Variants in TRPC4AP observed in about 807,000 individuals in gnomAD.
TRPC4AP encodes the protein short transient receptor potential channel 4-associated protein.
TRPC4AP carries 45 observed loss-of-function variants against 99.0 expected under a neutral mutation model. The observed-to-expected ratio is 0.45, with a 90% CI of 0.36 to 0.58. The LOEUF (loss-of-function observed/expected upper bound fraction) is 0.58, where lower values mean the gene tolerates loss of function less well. Among genes scored for constraint, TRPC4AP ranks in the 20% least tolerant of loss-of-function variants. The probability of loss-of-function intolerance (pLI) is 0.00; values close to 1 mark genes in which losing one functional copy is unlikely to be tolerated. For missense variants in TRPC4AP, 879 were observed against 985.3 expected (o/e 0.89, Z 1.44); for synonymous variants, 408 against 385.8 (o/e 1.06, Z -0.67).
intron 6 of TRPC4AP, among the ~76,000 whole-genome samples, chr20:35,047,839 T>A (rs968476877): frequency 6.6e-6 from 1 of 152,162 alleles, no homozygotes; most frequent in African/African-American, 2.4e-5. Context: ...CACAAGTGTG[T>A]CCAGGCACAG....
intron 5 of TRPC4AP, among the ~76,000 whole-genome samples, chr20:35,052,262 C>G (rs371702708): frequency 6.6e-6 from 1 of 151,708 alleles, no homozygotes; most frequent in African/African-American, 2.4e-5. Flanking sequence ...CCACGTCCAG[C>G]CAGTTTTTTA....
chr20:35,087,211 C>T lies in TRPC4AP; in HGVS notation c.168+5403G>A, dbSNP rs536791897. On this transcript the variant is annotated intron_variant, in intron 1 of 18. Coordinates refer to ENST00000252015, the MANE Select transcript of TRPC4AP (RefSeq NM_015638.3). ...AAAATTAGCCAGGCGTGGTGGCGGG[C>T]ACCTGTAGTCCCAGCTACTCGGGAG... Among the ~76,000 whole-genome samples, 778 of 147,004 alleles carry T rather than the reference C, an allele frequency of 5.3e-3. 7 individuals are homozygous for T. The highest frequency in any genetic ancestry group is 0.018 in the Middle Eastern group (5 of 274).
chr20:35,016,453 C>T (rs2082755574), intron 9 of TRPC4AP, among the ~76,000 whole-genome samples: 1 of 152,150 alleles, frequency 6.6e-6, no homozygotes, highest in African/African-American at 2.4e-5. Context: ...TGCAAGAGTC[C>T]TGGGTTTGAC....
chr20:35,011,683 C>T (rs2082641338), intron 11 of TRPC4AP, among the ~76,000 whole-genome samples: 1 of 152,240 alleles, frequency 6.6e-6, no homozygotes. Context: ...CAGCCCAGAG[C>T]CAAGCCCACA....
chr20:35,035,142 C>T lies in TRPC4AP; in HGVS notation c.1032G>A (p.Glu344=). The T allele has an allele frequency of 6.2e-7, 1 of 1,613,894 alleles. No individual in the cohort carries two copies. The change falls in exon 8 of 19, where the codon GAG becomes GAA. Residue 344 remains glutamate, a synonymous_variant. Coordinates refer to ENST00000252015, the MANE Select transcript of TRPC4AP (RefSeq NM_015638.3). ...CCATACCTTGATTGTGCTCTGACTC[C>T]TCATTGGCCACTCGCATCAGGGCAT... ...VLDALMRVAN[E]ESEHNQASIV...
At chr20:35,039,047 T>C (rs929203204) in intron 7 of TRPC4AP, among the ~76,000 whole-genome samples, 1 of 152,154 alleles carries the variant, frequency 6.6e-6, no homozygotes, top group Non-Finnish European at 1.5e-5. Context: ...CACTCCAGCC[T>C]GGGCAACATA....
At chr20:35,032,918 T>G (rs1432003801) in intron 8 of TRPC4AP, among the ~76,000 whole-genome samples, 1 of 152,202 alleles carries the variant, frequency 6.6e-6, no homozygotes, top group African/African-American at 2.4e-5. Context: ...ACTGGACATT[T>G]TAGGCTGGGT....
chr20:35,022,041 C>T (rs761500280), intron 8 of TRPC4AP, among the ~76,000 whole-genome samples: 1 of 152,202 alleles, frequency 6.6e-6, no homozygotes, highest in Admixed American at 6.5e-5. Context: ...GGCCAGTCAC[C>T]TCCTCACTAG....
At chr20:35,027,068 C>T (rs1205212193) in intron 8 of TRPC4AP, among the ~76,000 whole-genome samples, 1 of 152,184 alleles carries the variant, frequency 6.6e-6, no homozygotes, top group African/African-American at 2.4e-5. Context: ...GCCAGAACCT[C>T]CAATACGATG....
chr20:35,016,459 T>G (rs2082755866), intron 9 of TRPC4AP, among the ~76,000 whole-genome samples: 1 of 152,186 alleles, frequency 6.6e-6, no homozygotes, highest in Non-Finnish European at 1.5e-5. Flanking sequence ...AGTCCTGGGT[T>G]TGACTCTTAG....
intron 10 of TRPC4AP, 70 bp from the exon 11 acceptor site, chr20:35,013,136 T>C: frequency 6.9e-7 from 1 of 1,455,286 alleles, no homozygotes; most frequent in Non-Finnish European, 9.6e-7. Context: ...AAGCAGACAC[T>C]CTGGTGGGAG....
chr20:35,044,507 T>C lies in TRPC4AP; in HGVS notation c.863A>G (p.Gln288Arg). The change falls in exon 7 of 19, where the codon CAA (glutamine) becomes CGA (arginine). Residue 288 changes from glutamine to arginine, a missense_variant and splice_region_variant. Physicochemically the swap from Gln to Arg is conservative, Grantham distance 43. This residue lies in a region of TRPC4AP where 603 missense variants were observed against 631.8 expected (regional missense o/e 0.95). Transcript: ENST00000252015. ...TTCTGAGAACTTGGAGACTTTACCT[T>C]GATTGATTTCAGCTGCAGAAGGCCC... ...SLGPSAAEIN[Q>R]AALLSIPGFV... 6.2e-7 allele frequency: 1 copy of C among 1,613,798 alleles called. No homozygotes were observed. The highest frequency in any genetic ancestry group is 8.5e-7 in the Non-Finnish European group (1 of 1,179,770).
rs1462179530 is a variant in TRPC4AP, at chr20:35,080,379, T to TA, written c.169-2206dup. Among the ~76,000 whole-genome samples, 18 of 151,752 alleles carry TA rather than the reference T, an allele frequency of 1.2e-4. 1 individual carries two copies. In the South Asian group the frequency reaches 2.7e-3, roughly 23 times the overall value. The stretch of plus-strand genomic sequence containing the variant: ...AGCCGGATGTAGTGGCACATGCCTG[T>TA]AGTCCCAGCTACTCGGGAGGCTGAG... On this transcript the variant is annotated intron_variant, in intron 1 of 18. Transcript: ENST00000252015.
At chr20:35,029,416 G>C (rs1320460160) in intron 8 of TRPC4AP, among the ~76,000 whole-genome samples, 1 of 152,092 alleles carries the variant, frequency 6.6e-6, no homozygotes. Flanking sequence ...ATAACAATCT[G>C]TCTTTTGAAT....
intron 3 of TRPC4AP, among the ~76,000 whole-genome samples, chr20:35,059,579 G>C (rs576755890): frequency 1.3e-4 from 20 of 152,140 alleles, no homozygotes; most frequent in Admixed American, 1.3e-3. Flanking sequence ...GATTACTTGA[G>C]CCCAGAAGGT....
intron 11 of TRPC4AP, among the ~76,000 whole-genome samples, chr20:35,011,173 CT>C (rs2082627043): frequency 6.6e-6 from 1 of 152,246 alleles, no homozygotes; most frequent in Non-Finnish European, 1.5e-5. Flanking sequence ...GGTAGAATTG[CT>C]TGAACCCAGA....
At chr20:35,056,213 T>G (rs1402532486) in intron 4 of TRPC4AP, among the ~76,000 whole-genome samples, 3 of 152,236 alleles carry the variant, frequency 2.0e-5, no homozygotes, top group Admixed American at 6.5e-5. Flanking sequence ...GGTGAAACAC[T>G]GCTCTGCATG....
chr20:35,054,876 A>C, intron 5 of TRPC4AP, 100 bp downstream of exon 5: 1 of 1,036,320 alleles, frequency 9.6e-7, no homozygotes, highest in Non-Finnish European at 1.5e-6. Context: ...ACTGTCTGAA[A>C]GCAGCTCTTA....
chr20:35,060,584 CCAAAAAAAAAAAA>C (rs1289483586), intron 3 of TRPC4AP, among the ~76,000 whole-genome samples: 1,031 of 45,894 alleles, frequency 0.022, 17 homozygotes, highest in African/African-American at 0.076. Context: ...GACCTTGTCT[CCAAAAAAAAAAAA>C]AAAAAAAAAA....
Sources: gnomAD v4.1 joint callset for allele counts (sites outside exome capture counted in the v4.1 genomes callset) on GRCh38, gnomAD v4.1.1 for gene constraint, gnomAD v4.1.1 regional missense constraint, MANE v1.5 for transcripts, NCBI Gene and HGNC (gene_info 2026-07-23, HGNC 2026-07-21) for gene names.